The following HAUS6 variants were observed in gnomAD, a reference collection of about 807,000 sequenced individuals.
HAUS6 encodes the protein HAUS augmin like complex subunit 6.
HAUS6 carries 80 observed loss-of-function variants against 106.8 expected under a neutral mutation model. The observed-to-expected ratio is 0.75, with a 90% confidence interval of 0.63 to 0.90. The LOEUF (loss-of-function observed/expected upper bound fraction) is 0.90. Ranked by LOEUF, HAUS6 falls within the 40% of genes least tolerant of loss-of-function variation. The pLI, the probability that HAUS6 is intolerant of heterozygous loss-of-function variation, is 0.00. For missense variants in HAUS6, 1,155 were observed against 1,118.1 expected, an observed-to-expected ratio of 1.03 and a Z score of -0.47; for synonymous variants, 356 against 379.1, an observed-to-expected ratio of 0.94 and a Z score of 0.71.
chr9:19,056,440 TA>T (rs779658653), intron 16 of HAUS6, 36 bp from the exon 17 acceptor site: 1 of 1,161,714 alleles, frequency 8.6e-7, no homozygotes, highest in Non-Finnish European at 1.3e-6. Context: ...AAGCAAACAT[TA>T]CAAAGAAAAA....
chr9:19,065,325 G>A (rs1219455861), intron 12 of HAUS6, among the ~76,000 whole-genome samples: 1 of 152,192 alleles, frequency 6.6e-6, no homozygotes, highest in African/African-American at 2.4e-5. Context: ...TAACAAAACA[G>A]AAGGATGGTG....
chr9:19,071,865 C>T (rs559618570), intron 11 of HAUS6, among the ~76,000 whole-genome samples: 1 of 151,996 alleles, frequency 6.6e-6, no homozygotes, highest in Non-Finnish European at 1.5e-5. Context: ...CCACCACGCC[C>T]AGCCAAAGAA....
At chr9:19,098,436 CAAA>C (rs11351792) in intron 1 of HAUS6, among the ~76,000 whole-genome samples, 1 of 123,388 alleles carries the variant, frequency 8.1e-6, no homozygotes, top group African/African-American at 3.0e-5. Flanking sequence ...GACTTCGTCT[CAAA>C]AAAAAAAAAA....
chr9:19,073,178 T>C (rs1836915834), intron 11 of HAUS6, among the ~76,000 whole-genome samples: 1 of 152,152 alleles, frequency 6.6e-6, no homozygotes, highest in African/African-American at 2.4e-5. Context: ...TAACTACATA[T>C]GTACCTTTTA....
At chr9:19,067,374 T>G (rs1836784216) in intron 12 of HAUS6, among the ~76,000 whole-genome samples, 1 of 152,176 alleles carries the variant, frequency 6.6e-6, no homozygotes, top group South Asian at 2.1e-4. Flanking sequence ...TCCCAGAAAC[T>G]TAGCTTTTCA....
Position 19,087,151 on chromosome 9 carries a change from G to T in HAUS6, c.590C>A (p.Ser197Ter). The T allele has an allele frequency of 6.7e-7, 1 of 1,484,264 alleles. No individual in the cohort carries two copies. Among genetic ancestry groups the T allele is most frequent in the Non-Finnish European group, 9.4e-7 (1 of 1,062,578 alleles). 91.9% of individuals were successfully genotyped at this position (1,484,264 alleles called of 1,614,324 possible). A position where few individuals can be genotyped will look rare whatever the true frequency, so the allele number is the denominator to read the frequency against. Residue 197 changes from serine (S) to a stop codon, truncating the protein, a stop_gained, in exon 6 of 17, where the codon TCA becomes TAA. Coordinates refer to ENST00000380502, the MANE Select transcript of HAUS6 (RefSeq NM_017645.5). LOFTEE classifies it high-confidence loss of function. ...TCTCAAGTTTCGTACCTGCTTAACTGATAATCTGCAAGAAAACATACAAAA... is the reference window on the plus strand; with the variant it reads ...TCTCAAGTTTCGTACCTGCTTAACTTATAATCTGCAAGAAAACATACAAAA... ...TQKYQENAQLSVKQVRNLRSE... is the reference protein window; with the variant it reads ...TQKYQENAQL
intron 12 of HAUS6, among the ~76,000 whole-genome samples, chr9:19,066,659 T>C (rs1485407098): frequency 1.3e-5 from 2 of 151,990 alleles, no homozygotes; most frequent in Non-Finnish European, 2.9e-5. Flanking sequence ...AATTGCTGAA[T>C]TCTGGTTTTA....
chr9:19,056,498 AG>A (rs1202179568), intron 16 of HAUS6, 94 bp from the exon 17 acceptor site: 15 of 731,082 alleles, frequency 2.1e-5, no homozygotes, highest in South Asian at 2.0e-4. Flanking sequence ...AATACAAAAA[AG>A]GTTCATAGCT....
intron 11 of HAUS6, among the ~76,000 whole-genome samples, chr9:19,075,576 A>G (rs550736821): frequency 2.8e-4 from 43 of 152,158 alleles, no homozygotes; most frequent in African/African-American, 9.2e-4. Context: ...AGTGCAAGTG[A>G]AAGAAGCCAG....
Position 19,054,998 on chromosome 9 carries a change from G to A in HAUS6, c.*1345C>T, listed in dbSNP as rs997783320. 1.3e-5 allele frequency: 2 copies of A among 151,922 alleles called. No individual in the cohort carries two copies. Among genetic ancestry groups the A allele is most frequent in the African/African-American group, 4.9e-5 (2 of 41,190 alleles). 9.4% of individuals were successfully genotyped at this position (151,922 alleles called of 1,614,324 possible). On this transcript the variant is annotated 3_prime_UTR_variant, in exon 17 of 17. Transcript: ENST00000380502. ...AATAAAAGAAAACAGCAACTTAGGA[G>A]AAGATTTTTTCTTTCTCCTTTTCCA...
chr9:19,095,649 G>A (rs1441013689), intron 2 of HAUS6, among the ~76,000 whole-genome samples: 3 of 151,940 alleles, frequency 2.0e-5, no homozygotes, highest in Non-Finnish European at 4.4e-5. Context: ...ATTGAAAATA[G>A]ATTATCAAAA....
intron 11 of HAUS6, among the ~76,000 whole-genome samples, chr9:19,073,340 G>A (rs1227954785): frequency 6.6e-6 from 1 of 151,694 alleles, no homozygotes; most frequent in Non-Finnish European, 1.5e-5. Flanking sequence ...AATATGTAAG[G>A]TATAGGAAGG....
chr9:19,058,429 G>C lies in HAUS6; in HGVS notation c.2338C>G (p.Leu780Val), dbSNP rs756887821. 1.2e-6 allele frequency: 2 copies of C among 1,604,974 alleles called. No homozygotes were observed. Among genetic ancestry groups the C allele is most frequent in the Non-Finnish European group, 1.7e-6 (2 of 1,173,010 alleles). ...DNDFGILHET[L>V]PEEVGHLSFN... Reference sequence around the variant, plus strand: ...CTTAGATGACCAACTTCTTCCGGGAGAGTTTCGTGTAATATGCCAAAATCA... The same window carrying C: ...CTTAGATGACCAACTTCTTCCGGGACAGTTTCGTGTAATATGCCAAAATCA... The change falls in exon 16 of 17, where the codon CTC (leucine) becomes GTC (valine). Residue 780 changes from leucine to valine, a missense_variant. Leu to Val is a conservative substitution (Grantham distance 32). Transcript: ENST00000380502.
At position 19,058,473 on chromosome 9, in the gene HAUS6, G is replaced by A. The variant is rs527919595; in HGVS notation, c.2294C>T (p.Ser765Phe). 3 of 1,591,382 alleles carry A rather than the reference G, an allele frequency of 1.9e-6. No individual in the cohort carries two copies. Among genetic ancestry groups the A allele is most frequent in the African/African-American group, 1.4e-5 (1 of 72,260 alleles). Residue 765 changes from serine (S) to phenylalanine (F), a missense_variant, in exon 16 of 17, where the codon TCT (serine) becomes TTT (phenylalanine). By Grantham distance (155) the Ser-to-Phe change is radical. Around this residue, in one of 3 missense-constraint regions of HAUS6, gnomAD observed 380 missense variants for 394.8 expected, o/e 0.96. Transcript: ENST00000380502. Reference sequence around the variant, plus strand: ...AAAATCATTATCTTTAAAACTCTTAGAACTAATTCCACTTGATATCTGAAA... The same window carrying A: ...AAAATCATTATCTTTAAAACTCTTAAAACTAATTCCACTTGATATCTGAAA... ...NSFQISSGIS[S>F]KSFKDNDFGI...
chr9:19,096,879 G>T, intron 1 of HAUS6, 110 bp from the exon 2 acceptor site: 1 of 509,962 alleles, frequency 2.0e-6, no homozygotes, highest in Non-Finnish European at 3.5e-6. Flanking sequence ...ATTCTCTTCA[G>T]GAAGTCAAGG....
chr9:19,084,051 CAA>C (rs35034404), intron 7 of HAUS6, among the ~76,000 whole-genome samples: 10 of 100,418 alleles, frequency 1.0e-4, no homozygotes, highest in African/African-American at 1.3e-4. Context: ...AGGATCCTTG[CAA>C]AAAAAAAAAA....
intron 14 of HAUS6, among the ~76,000 whole-genome samples, chr9:19,061,889 T>C (rs990838960): frequency 6.6e-6 from 1 of 152,192 alleles, no homozygotes; most frequent in Admixed American, 6.5e-5. Context: ...ACAATGCTCA[T>C]TTAGTTTGAT....
At chr9:19,056,440 T>A in intron 16 of HAUS6, 36 bp from the exon 17 acceptor site, 1 of 1,161,714 alleles carries the variant, frequency 8.6e-7, no homozygotes, top group Non-Finnish European at 1.3e-6. Flanking sequence ...AAGCAAACAT[T>A]ACAAAGAAAA....
Position 19,058,138 on chromosome 9 carries a change from C to A in HAUS6, c.2629G>T (p.Asp877Tyr). 2.5e-6 allele frequency: 4 copies of A among 1,613,986 alleles called. No individual in the cohort carries two copies. The highest frequency in any genetic ancestry group is 3.4e-6 in the Non-Finnish European group (4 of 1,179,892). ...CAGGTGTCCAAAAAGTTAAGCGTATCATCTGTTTGTACATTTTGGGGAGTA... is the reference window on the plus strand; with the variant it reads ...CAGGTGTCCAAAAAGTTAAGCGTATAATCTGTTTGTACATTTTGGGGAGTA... The part of the protein sequence containing the change: ...SPTPQNVQTD[D>Y]TLNFLDTCDL... The change falls in exon 16 of 17, where the codon GAT becomes TAT. Residue 877 changes from aspartate to tyrosine, a missense_variant. By Grantham distance (160) the Asp-to-Tyr change is radical. Around this residue, in one of 3 missense-constraint regions of HAUS6, gnomAD observed 380 missense variants for 394.8 expected, o/e 0.96. Transcript: ENST00000380502.
Sources: allele counts gnomAD v4.1 joint callset (sites outside exome capture counted in the v4.1 genomes callset), GRCh38; gene constraint gnomAD v4.1.1; regional missense constraint gnomAD v4.1.1; transcripts MANE v1.5; gene names NCBI Gene and HGNC (gene_info 2026-07-23, HGNC 2026-07-21).